The following PANX2 variants were observed in gnomAD, a reference collection of about 807,000 sequenced individuals.
PANX2 encodes pannexin 2.
Under a neutral mutation model 38.7 loss-of-function variants are expected in PANX2, and 30 were observed. The observed-to-expected ratio is 0.78, with a 90% confidence interval of 0.58 to 1.05. The LOEUF is 1.05. Among genes scored for constraint, PANX2 ranks in the 50% least tolerant of loss-of-function variants. PANX2 has a pLI of 0.00. For synonymous variants in PANX2, 539 were observed against 472.1 expected, an observed-to-expected ratio of 1.14 and a Z score of -1.84; for missense variants, 880 against 979.3, an observed-to-expected ratio of 0.90 and a Z score of 1.35.
In PANX2 at chr22:50,170,955, A is replaced by C. The variant is rs2063626278; in HGVS notation, c.225A>C (p.Ala75=). 6.7e-7 allele frequency: 1 copy of C among 1,489,390 alleles called. No homozygotes were observed. Among genetic ancestry groups the C allele is most frequent in the Non-Finnish European group, 9.0e-7 (1 of 1,113,890 alleles). 92.3% of individuals were successfully genotyped at this position (1,489,390 alleles called of 1,614,324 possible). Residue 75 remains alanine, a splice_region_variant and synonymous_variant, in exon 1 of 3, where the codon GCA becomes GCC. Coordinates refer to ENST00000395842, the MANE Select transcript of PANX2 (RefSeq NM_052839.4). Reference sequence around the variant, plus strand: ...CCCTGGTCTTCACCAAGAACTTCGCAGGTGAGGCCGGCGGCCGGGGCGCGG... The same window carrying C: ...CCCTGGTCTTCACCAAGAACTTCGCCGGTGAGGCCGGCGGCCGGGGCGCGG... ...LVTLVFTKNF[A]EEPIYCYTPH... is the part of the protein sequence containing the mutation.
Position 50,177,530 on chromosome 22 carries a change from C to T in PANX2, c.818C>T (p.Pro273Leu), listed in dbSNP as rs759616258. 3.2e-5 allele frequency: 52 copies of T among 1,610,160 alleles called. No individual in the cohort carries two copies. The South Asian group carries it at 5.6e-4, about 17-fold the overall frequency. The change falls in exon 2 of 3, where the codon CCC becomes CTC. Residue 273 changes from proline to leucine, a missense_variant. Pro to Leu is a moderately conservative substitution (Grantham distance 98). This residue lies in a region of PANX2 where 114 missense variants were observed against 108.8 expected (regional missense o/e 1.05). Coordinates refer to ENST00000395842, the MANE Select transcript of PANX2 (RefSeq NM_052839.4). Reference protein sequence around the residue: ...ASPDGAAGAGPAVRVSCKLPS... With the variant: ...ASPDGAAGAGLAVRVSCKLPS... ...CCGGACGGGGCGGCAGGTGCGGGGCCCGCGGTGCGCGTGAGCTGCAAGCTC... is the reference window on the plus strand; with the variant it reads ...CCGGACGGGGCGGCAGGTGCGGGGCTCGCGGTGCGCGTGAGCTGCAAGCTC...
intron 1 of PANX2, among the ~76,000 whole-genome samples, chr22:50,173,736 A>T (rs554795442): frequency 9.3e-4 from 141 of 152,272 alleles, no homozygotes; most frequent in African/African-American, 3.3e-3. Context: ...CCAAGGGGGA[A>T]CCCACTTTCT....
intron 1 of PANX2, among the ~76,000 whole-genome samples, chr22:50,174,757 C>T (rs182648045): frequency 1.6e-4 from 24 of 152,322 alleles, no homozygotes; most frequent in African/African-American, 4.3e-4. Flanking sequence ...GCAGTCGCTG[C>T]GTGTGGGATG....
intron 1 of PANX2, among the ~76,000 whole-genome samples, chr22:50,172,914 TGA>T (rs1569065675): frequency 6.9e-6 from 1 of 145,144 alleles, no homozygotes; most frequent in African/African-American, 2.5e-5. Flanking sequence ...TTTTTTTTTT[TGA>T]GACAGAGTCT....
intron 1 of PANX2, among the ~76,000 whole-genome samples, chr22:50,174,555 C>T (rs566901191): frequency 1.3e-5 from 2 of 152,200 alleles, no homozygotes; most frequent in South Asian, 2.1e-4. Context: ...AGTGTCCTCT[C>T]GGGGCATAGC....
At position 50,177,987 on chromosome 22, in the gene PANX2, G is replaced by A. The variant is rs945804442; in HGVS notation, c.1275G>A (p.Arg425=). The A allele has an allele frequency of 2.0e-6, 3 of 1,537,342 alleles. No homozygotes were observed. The highest frequency in any genetic ancestry group is 1.4e-5 in the African/African-American group (1 of 72,520). Residue 425 remains arginine (R), a synonymous_variant, in exon 2 of 3, where the codon CGG becomes CGA. Transcript: ENST00000395842. ...DGAAEPPVVK[R]PRKKMKWIPT... is the part of the protein sequence containing the mutation. ...CCGCCGAGCCGCCCGTGGTCAAGCG[G>A]CCGCGCAAGAAGATGAAGTGGATCC... is the stretch of plus-strand genomic sequence containing the variant.
intron 2 of PANX2, 51 bp from the exon 3 acceptor site, chr22:50,178,883 G>T: frequency 6.9e-7 from 1 of 1,452,192 alleles, no homozygotes; most frequent in African/African-American, 1.4e-5. Context: ...GGCGCTGGGG[G>T]CGGCGCAGCG....
rs1411134084 is a variant in PANX2, at chr22:50,171,080, C to T, written c.226+124C>T. The T allele has an allele frequency of 2.7e-5, 11 of 406,100 alleles. No individual in the cohort carries two copies. The East Asian group carries it at 4.6e-4, about 17-fold the overall frequency. 25.2% of individuals were successfully genotyped at this position (406,100 alleles called of 1,614,324 possible). The stretch of plus-strand genomic sequence containing the variant: ...GCGCCCACCGTGGCCTGGCTGCGTC[C>T]GCGGCGTCCCAGGCACCTTCCACAG... On this transcript the variant is annotated intron_variant, in intron 1 of 2. Transcript: ENST00000395842.
In PANX2 at chr22:50,177,944, C is replaced by G. The variant is rs2063672321; in HGVS notation, c.1232C>G (p.Pro411Arg). 4.6e-6 allele frequency: 7 copies of G among 1,532,292 alleles called. No homozygotes were observed. Among genetic ancestry groups the G allele is most frequent in the Non-Finnish European group, 6.1e-6 (7 of 1,143,996 alleles). 94.9% of individuals were successfully genotyped at this position (1,532,292 alleles called of 1,614,324 possible). A position where few individuals can be genotyped will look rare whatever the true frequency, so the allele number is the denominator to read the frequency against. The change falls in exon 2 of 3, where the codon CCC (proline) becomes CGC (arginine). Residue 411 changes from proline (P) to arginine (R), a missense_variant. By Grantham distance (103) the Pro-to-Arg change is moderately radical. Coordinates refer to ENST00000395842, the MANE Select transcript of PANX2 (RefSeq NM_052839.4). ...GVQTVDPSAN[P>R]AEPDGAAEPP... ...CAGACCGTGGACCCCAGCGCCAACC[C>G]CGCCGAGCCCGACGGCGCCGCCGAG...
Position 50,179,153 on chromosome 22 carries a change from A to AG in PANX2, c.1912dup (p.Glu638GlyfsTer126). ...AACACGCTGTACGAGGCCCGGGAGG[A>AG]GGAGGACGGGGGCCCCCGCCTGCCG... On this transcript the variant is annotated frameshift_variant, in exon 3 of 3. Coordinates refer to ENST00000395842, the MANE Select transcript of PANX2 (RefSeq NM_052839.4). LOFTEE classifies it high-confidence loss of function. 2 of 1,612,158 alleles carry AG rather than the reference A, an allele frequency of 1.2e-6. No homozygotes were observed. The highest frequency in any genetic ancestry group is 8.5e-7 in the Non-Finnish European group (1 of 1,179,734).
At chr22:50,173,090 GT>G (rs1375778964) in intron 1 of PANX2, among the ~76,000 whole-genome samples, 1 of 152,142 alleles carries the variant, frequency 6.6e-6, no homozygotes, top group Non-Finnish European at 1.5e-5. Context: ...TAGAGACGGG[GT>G]TTTGCCATGT....
intron 1 of PANX2, 39 bp from the exon 2 acceptor site, chr22:50,176,900 G>A (rs376958028): frequency 7.5e-5 from 112 of 1,483,908 alleles, no homozygotes; most frequent in Non-Finnish European, 9.7e-5. Context: ...CAGCCCGTGC[G>A]CCTCCCCGCC....
intron 1 of PANX2, among the ~76,000 whole-genome samples, chr22:50,176,506 A>G (rs1047409846): frequency 6.9e-6 from 1 of 145,530 alleles, no homozygotes; most frequent in Non-Finnish European, 1.6e-5. Flanking sequence ...CCTTCCTCCC[A>G]GGGGAGCCCG....
chr22:50,179,351 C>G lies in PANX2; in HGVS notation c.*74C>G, dbSNP rs1449019768. 18 of 1,355,170 alleles carry G rather than the reference C, an allele frequency of 1.3e-5. No individual in the cohort carries two copies. Among genetic ancestry groups the G allele is most frequent in the Non-Finnish European group, 1.9e-5 (18 of 969,418 alleles). The allele number at this position is 1,355,170 out of a possible 1,614,324, so 83.9% of individuals were successfully genotyped here. On this transcript the variant is annotated 3_prime_UTR_variant, in exon 3 of 3. Transcript: ENST00000395842. Reference sequence around the variant, plus strand: ...GGCCTGGCCAGCCTCCCGGTGGACACCAGCCCTGCGTGGACGTGGCCTGTG... The same window carrying G: ...GGCCTGGCCAGCCTCCCGGTGGACAGCAGCCCTGCGTGGACGTGGCCTGTG...
intron 1 of PANX2, among the ~76,000 whole-genome samples, chr22:50,174,517 T>C (rs1178159284): frequency 1.3e-5 from 2 of 152,134 alleles, no homozygotes; most frequent in African/African-American, 4.8e-5. Flanking sequence ...GAGGGCTGGG[T>C]GTGGACAGGC....
intron 1 of PANX2, among the ~76,000 whole-genome samples, chr22:50,174,622 GCT>G (rs2063652514): frequency 6.6e-6 from 1 of 152,224 alleles, no homozygotes; most frequent in African/African-American, 2.4e-5. Flanking sequence ...CCTGGCGGCG[GCT>G]CTGTCTGCCC....
At position 50,178,203 on chromosome 22, in the gene PANX2, TGCCCCCGC is replaced by T. The variant is rs2063675024; in HGVS notation, c.1492_1499del (p.Ala498ProfsTer6). ...GCGACCCGGGCCCCGGCCCCGCCCC[TGCCCCCGC>T]CCCGCCGCCCGCCCCTGACAAGAAG... On this transcript the variant is annotated frameshift_variant, in exon 2 of 3. Coordinates refer to ENST00000395842, the MANE Select transcript of PANX2 (RefSeq NM_052839.4). LOFTEE classifies it high-confidence loss of function. 1.2e-6 allele frequency: 1 copy of T among 825,386 alleles called. No homozygotes were observed. Among genetic ancestry groups the T allele is most frequent in the African/African-American group, 2.3e-5 (1 of 44,144 alleles). The allele number at this position is 825,386 out of a possible 1,614,324, so 51.1% of individuals were successfully genotyped here. A position where few individuals can be genotyped will look rare whatever the true frequency, so the allele number is the denominator to read the frequency against.
chr22:50,178,837 C>T (rs1358088370), intron 2 of PANX2, 97 bp from the exon 3 acceptor site: 5 of 1,107,200 alleles, frequency 4.5e-6, no homozygotes, highest in South Asian at 1.6e-5. Flanking sequence ...GCTTCAGAGC[C>T]GTGAGCCCTG....
Position 50,178,107 on chromosome 22 carries a change from G to C in PANX2, c.1395G>C (p.Arg465Ser). 6.5e-7 allele frequency: 1 copy of C among 1,545,938 alleles called. No homozygotes were observed. The highest frequency in any genetic ancestry group is 8.7e-7 in the Non-Finnish European group (1 of 1,154,908). ...SKAEKPKPAR[R>S]KTATDTLIAP... ...CGGAGAAGCCGAAGCCCGCGCGCAG[G>C]AAGACGGCCACGGACACGCTGATCG... The change falls in exon 2 of 3, where the codon AGG becomes AGC. Residue 465 changes from arginine to serine, a missense_variant. Arg to Ser is a moderately radical substitution (Grantham distance 110). This residue lies in a region of PANX2 where 445 missense variants were observed against 404.3 expected (regional missense o/e 1.10). Transcript: ENST00000395842.
Sources: allele counts gnomAD v4.1 joint callset (sites outside exome capture counted in the v4.1 genomes callset), GRCh38; gene constraint gnomAD v4.1.1; regional missense constraint gnomAD v4.1.1; transcripts MANE v1.5; gene names NCBI Gene and HGNC (gene_info 2026-07-23, HGNC 2026-07-21).